The following LZTS1 variants were observed in gnomAD, a reference collection of about 807,000 sequenced individuals.
LZTS1 encodes leucine zipper putative tumor suppressor 1.
LZTS1 carries 31 observed loss-of-function variants against 45.8 expected under a neutral mutation model. The observed-to-expected ratio is 0.68, with a 90% confidence interval of 0.51 to 0.91. The LOEUF (loss-of-function observed/expected upper bound fraction) is 0.91, where lower values mean the gene tolerates loss of function less well. Ranked by LOEUF, LZTS1 falls within the 40% of genes least tolerant of loss-of-function variation. The pLI is 0.00. For missense variants in LZTS1, 821 were observed against 788.9 expected, an observed-to-expected ratio of 1.04 and a Z score of -0.49; for synonymous variants, 359 against 357.3, an observed-to-expected ratio of 1.00 and a Z score of -0.05.
At chr8:20,262,448 G>T (rs1800254237) in intron 1 of LZTS1, among the ~76,000 whole-genome samples, 1 of 150,266 alleles carries the variant, frequency 6.7e-6, no homozygotes, top group African/African-American at 2.5e-5. Context: ...GCACGTCTTT[G>T]TGTGTGCATG....
At chr8:20,274,723 T>A (rs1162121360) in intron 1 of LZTS1, among the ~76,000 whole-genome samples, 1 of 152,220 alleles carries the variant, frequency 6.6e-6, no homozygotes, top group African/African-American at 2.4e-5. Context: ...CACAACCAAC[T>A]GTCCTGATCT....
chr8:20,271,921 T>G (rs1046433999), intron 1 of LZTS1, among the ~76,000 whole-genome samples: 1 of 152,202 alleles, frequency 6.6e-6, no homozygotes, highest in Non-Finnish European at 1.5e-5. Context: ...CAGCCGCAGC[T>G]GGGGGTCACC....
intron 1 of LZTS1, among the ~76,000 whole-genome samples, chr8:20,297,316 TA>T (rs1024563404): frequency 1.3e-5 from 2 of 152,256 alleles, no homozygotes; most frequent in African/African-American, 4.8e-5. Flanking sequence ...TGACAAGCTA[TA>T]AAGAAAGAAC....
intron 1 of LZTS1, among the ~76,000 whole-genome samples, chr8:20,274,624 G>A (rs112738133): frequency 0.017 from 2,572 of 152,270 alleles, 62 homozygotes; most frequent in African/African-American, 0.057. Flanking sequence ...CCAATGGGGC[G>A]TAAGTGCGTG....
chr8:20,260,984 C>T (rs929248316), intron 1 of LZTS1, among the ~76,000 whole-genome samples: 4 of 152,308 alleles, frequency 2.6e-5, no homozygotes, highest in East Asian at 1.9e-4. Context: ...ACACAAAACT[C>T]GGCTGTGTTC....
At chr8:20,280,531 AC>A (rs1280010757) in intron 1 of LZTS1, among the ~76,000 whole-genome samples, 1 of 152,070 alleles carries the variant, frequency 6.6e-6, no homozygotes, top group East Asian at 1.9e-4. Context: ...ATGTGTTCAG[AC>A]CCCATGTCCC....
chr8:20,263,661 C>G (rs1800291565), intron 1 of LZTS1, among the ~76,000 whole-genome samples: 1 of 152,140 alleles, frequency 6.6e-6, no homozygotes, highest in Non-Finnish European at 1.5e-5. Context: ...CATCCCTCCA[C>G]ACAGACTCCA....
rs148173565 is a variant in LZTS1 at position 20,285,187 on chromosome 8, C to G, written c.-135+18553G>C. ...ATTTCTTGTGGTTCTCACATTGCTT[C>G]CCTTCGTAGAGATTCTCCCTCCTTT... On this transcript the variant is annotated intron_variant, in intron 1 of 3. Transcript: ENST00000381569. Among the ~76,000 whole-genome samples, 5 of 152,352 alleles carry G rather than the reference C, an allele frequency of 3.3e-5. No homozygotes were observed. In the East Asian group the frequency reaches 7.7e-4, roughly 24 times the overall value.
chr8:20,252,775 GCCTCAC>G lies in LZTS1; in HGVS notation c.1149+1_1149+6del. The G allele has an allele frequency of 6.6e-7, 1 of 1,509,592 alleles. No individual in the cohort carries two copies. The highest frequency in any genetic ancestry group is 8.9e-7 in the Non-Finnish European group (1 of 1,129,124). The allele number at this position is 1,509,592 out of a possible 1,614,324, so 93.5% of individuals were successfully genotyped here. A position where few individuals can be genotyped will look rare whatever the true frequency, so the allele number is the denominator to read the frequency against. Reference sequence around the variant, plus strand: ...CACCCAAACCCATGAGCCCTGTGTGGCCTCACCTCCCACTGGGTCTCCTCCAGCGCG... The same window carrying G: ...CACCCAAACCCATGAGCCCTGTGTGGCTCCCACTGGGTCTCCTCCAGCGCG... On this transcript the variant is annotated splice_donor_variant and splice_donor_5th_base_variant and intron_variant, in intron 3 of 3. Coordinates refer to ENST00000381569, the MANE Select transcript of LZTS1 (RefSeq NM_021020.5). LOFTEE classifies it high-confidence loss of function.
intron 1 of LZTS1, among the ~76,000 whole-genome samples, chr8:20,279,895 G>C (rs1357472755): frequency 6.6e-6 from 1 of 151,594 alleles, no homozygotes; most frequent in Non-Finnish European, 1.5e-5. Context: ...GCTGAGGTGG[G>C]AGGATCACCT....
intron 1 of LZTS1, among the ~76,000 whole-genome samples, chr8:20,293,356 T>C (rs1278231334): frequency 1.3e-5 from 2 of 152,154 alleles, no homozygotes; most frequent in Non-Finnish European, 2.9e-5. Flanking sequence ...TAGAAAGGTT[T>C]CTTTCCCCAC....
At chr8:20,299,955 A>G (rs1801046955) in intron 1 of LZTS1, among the ~76,000 whole-genome samples, 1 of 152,254 alleles carries the variant, frequency 6.6e-6, no homozygotes, top group Non-Finnish European at 1.5e-5. Context: ...TTGCCCTGGA[A>G]CCATGTGGCG....
At chr8:20,269,792 C>G (rs567544186) in intron 1 of LZTS1, among the ~76,000 whole-genome samples, 1 of 152,280 alleles carries the variant, frequency 6.6e-6, no homozygotes, top group South Asian at 2.1e-4. Context: ...TTTGTACCTC[C>G]CCTCTCTCCA....
At position 20,248,193 on chromosome 8, in the gene LZTS1, A is replaced by G. The variant is rs1262952740; in HGVS notation, c.*1529T>C. On this transcript the variant is annotated 3_prime_UTR_variant, in exon 4 of 4. Transcript: ENST00000381569. Reference sequence around the variant, plus strand: ...AAGTTAGCCAGGCACGGTGGCGCGCACCTGTAGTCCCAGCTAGTTGGAAGG... The same window carrying G: ...AAGTTAGCCAGGCACGGTGGCGCGCGCCTGTAGTCCCAGCTAGTTGGAAGG... 1.3e-5 allele frequency: 2 copies of G among 152,126 alleles called. No individual in the cohort carries two copies. The highest frequency in any genetic ancestry group is 4.8e-5 in the African/African-American group (2 of 41,370). 9.4% of individuals were successfully genotyped at this position (152,126 alleles called of 1,614,324 possible). A position where few individuals can be genotyped will look rare whatever the true frequency, so the allele number is the denominator to read the frequency against.
At chr8:20,267,106 T>A (rs1392874816) in intron 1 of LZTS1, among the ~76,000 whole-genome samples, 44 of 77,126 alleles carry the variant, frequency 5.7e-4, no homozygotes, top group African/African-American at 2.3e-3. Context: ...AGACTCCATC[T>A]CAAAAAAAAA....
At chr8:20,251,098 A>AATATATATATATCTATATAT (rs1799884537) in intron 3 of LZTS1, among the ~76,000 whole-genome samples, 1 of 41,396 alleles carries the variant, frequency 2.4e-5, no homozygotes, top group Non-Finnish European at 5.7e-5. Context: ...CCTGAGGGCT[A>AATATATATATATCTATATAT]ATATATATAT....
At chr8:20,266,395 G>A (rs1456585150) in intron 1 of LZTS1, among the ~76,000 whole-genome samples, 1 of 152,152 alleles carries the variant, frequency 6.6e-6, no homozygotes, top group Non-Finnish European at 1.5e-5. Flanking sequence ...GTTCACAGAA[G>A]GGAAGCTGAG....
At chr8:20,266,318 C>T (rs1288359725) in intron 1 of LZTS1, among the ~76,000 whole-genome samples, 2 of 152,136 alleles carry the variant, frequency 1.3e-5, no homozygotes, top group Admixed American at 6.5e-5. Flanking sequence ...TGAGCCATCA[C>T]ACCTGGCTCT....
chr8:20,279,719 A>G (rs7011918), intron 1 of LZTS1, among the ~76,000 whole-genome samples: 125,006 of 145,848 alleles, frequency 0.86, 54,191 homozygotes, highest in East Asian at 0.98. Context: ...GAGCATGGTG[A>G]TTTATGCCTG....
Sources: gnomAD v4.1 joint callset for allele counts (sites outside exome capture counted in the v4.1 genomes callset) on GRCh38, gnomAD v4.1.1 for gene constraint, MANE v1.5 for transcripts, NCBI Gene and HGNC (gene_info 2026-07-23, HGNC 2026-07-21) for gene names.